HMGXB4: variants seen among roughly 807,000 people sequenced by gnomAD.
HMGXB4 encodes HMG-box containing 4.
In HMGXB4, 27 loss-of-function variants were observed where a neutral mutation model predicts 63.9. The observed-to-expected ratio is 0.42, with a 90% CI of 0.31 to 0.58. HMGXB4 has a LOEUF of 0.58. Among genes scored for constraint, HMGXB4 ranks in the 20% least tolerant of loss-of-function variants. The pLI, the probability that HMGXB4 is intolerant of heterozygous loss-of-function variation, is 0.13. For missense variants in HMGXB4, 624 were observed against 700.7 expected (o/e 0.89, Z 1.24); for synonymous variants, 264 against 265.3 (o/e 0.99, Z 0.05).
At chr22:35,272,896 T>C (rs1031743605) in intron 5 of HMGXB4, among the ~76,000 whole-genome samples, 7 of 152,370 alleles carry the variant, frequency 4.6e-5, no homozygotes, top group Admixed American at 6.5e-5. Flanking sequence ...ATCACGCCAC[T>C]GCCCTCCAGC....
chr22:35,247,076 T>C, the HMGXB4 span, among the ~76,000 whole-genome samples: 1 of 152,274 alleles, frequency 6.6e-6, no homozygotes, highest in African/African-American at 2.4e-5. Context: ...CACATTTTCC[T>C]GCTTTTTTTC....
chr22:35,254,765 G>T (rs949846538), upstream of HMGXB4, among the ~76,000 whole-genome samples: 1 of 152,218 alleles, frequency 6.6e-6, no homozygotes, highest in Non-Finnish European at 1.5e-5. Context: ...AAATGGAAGT[G>T]CAATGATCCA....
intron 1 of HMGXB4, chr22:35,261,992 A>C: frequency 5.4e-6 from 1 of 186,088 alleles, no homozygotes; most frequent in Non-Finnish European, 1.1e-5. Flanking sequence ...CTCTAACTTA[A>C]TGTTGGTTTC....
At chr22:35,267,981 G>C (rs934347029) in intron 5 of HMGXB4, among the ~76,000 whole-genome samples, 2 of 152,192 alleles carry the variant, frequency 1.3e-5, no homozygotes, top group Non-Finnish European at 2.9e-5. Flanking sequence ...CATATAGGGA[G>C]GCTGAGGCAG....
the HMGXB4 span, among the ~76,000 whole-genome samples, chr22:35,241,547 G>A: frequency 6.6e-6 from 1 of 152,178 alleles, no homozygotes; most frequent in Non-Finnish European, 1.5e-5. Flanking sequence ...GATCCCGGTG[G>A]TGCCAGGCAG....
chr22:35,260,413 C>G (rs1922774304), intron 1 of HMGXB4, among the ~76,000 whole-genome samples: 1 of 152,120 alleles, frequency 6.6e-6, no homozygotes, highest in Admixed American at 6.5e-5. Flanking sequence ...CCTGTATTTC[C>G]CTTCTACCTG....
Position 35,265,591 on chromosome 22 carries a change from G to C in HMGXB4, c.1203G>C (p.Glu401Asp), listed in dbSNP as rs1297922930. ...KKKEEKDKER[E>D]RGEKPKKKNM... ...AAGAAGAGAAGGACAAAGAGAGAGAGAGAGGAGAAAAGGTAAAGCATCTTT... is the reference window on the plus strand; with the variant it reads ...AAGAAGAGAAGGACAAAGAGAGAGACAGAGGAGAAAAGGTAAAGCATCTTT... Residue 401 changes from glutamate to aspartate, a missense_variant, in exon 5 of 11, where the codon GAG becomes GAC. Glu to Asp is a conservative substitution (Grantham distance 45). Around this residue, in one of 2 missense-constraint regions of HMGXB4, gnomAD observed 472 missense variants for 470.6 expected, o/e 1.00. Transcript: ENST00000216106. 6.3e-7 allele frequency: 1 copy of C among 1,580,928 alleles called. No homozygotes were observed. Among genetic ancestry groups the C allele is most frequent in the Non-Finnish European group, 8.6e-7 (1 of 1,166,000 alleles).
chr22:35,262,348 C>G lies in HMGXB4; in HGVS notation c.-43C>G. Reference sequence around the variant, plus strand: ...ACCTGGTCCTGTAGACGGGAAGGAGCCTGGACACAGTGACACATTCTCAAA... The same window carrying G: ...ACCTGGTCCTGTAGACGGGAAGGAGGCTGGACACAGTGACACATTCTCAAA... On this transcript the variant is annotated 5_prime_UTR_variant, in exon 2 of 11. Transcript: ENST00000216106. 6.2e-7 allele frequency: 1 copy of G among 1,603,418 alleles called. No individual in the cohort carries two copies. Among genetic ancestry groups the G allele is most frequent in the Non-Finnish European group, 8.5e-7 (1 of 1,170,176 alleles).
the HMGXB4 span, among the ~76,000 whole-genome samples, chr22:35,243,023 G>T: frequency 6.6e-6 from 1 of 152,150 alleles, no homozygotes; most frequent in African/African-American, 2.4e-5. Flanking sequence ...GTTGAGATTT[G>T]TTTTATGGCC....
Position 35,286,081 on chromosome 22 carries a change from A to T in HMGXB4, c.1362+20A>T. On this transcript the variant is annotated intron_variant, in intron 7 of 10. Coordinates refer to ENST00000216106, the MANE Select transcript of HMGXB4 (RefSeq NM_001003681.3). Reference sequence around the variant, plus strand: ...AAACTGGTAAGTACATTTTCTTACAAACATATTTTTCAGTGCTTCTCGCCT... The same window carrying T: ...AAACTGGTAAGTACATTTTCTTACATACATATTTTTCAGTGCTTCTCGCCT... 1.9e-6 allele frequency: 3 copies of T among 1,573,146 alleles called. No individual in the cohort carries two copies. In the South Asian group the frequency reaches 3.4e-5, roughly 18 times the overall value.
intron 5 of HMGXB4, among the ~76,000 whole-genome samples, chr22:35,269,030 G>C (rs542173628): frequency 1.3e-3 from 204 of 152,194 alleles, no homozygotes; most frequent in African/African-American, 4.7e-3. Flanking sequence ...CATTATCTTT[G>C]TACATATTCT....
chr22:35,284,856 T>C (rs1924467520), intron 6 of HMGXB4, among the ~76,000 whole-genome samples: 1 of 152,220 alleles, frequency 6.6e-6, no homozygotes, highest in Non-Finnish European at 1.5e-5. Context: ...ATTTGCCTAA[T>C]GTGTAAAATC....
At chr22:35,265,693 A>C in intron 5 of HMGXB4, 90 bp downstream of exon 5, 1 of 1,435,856 alleles carries the variant, frequency 7.0e-7, no homozygotes, top group Non-Finnish European at 9.1e-7. Flanking sequence ...CAGTTGAGGT[A>C]AACCACTGGG....
At chr22:35,274,839 G>C (rs1923812805) in intron 5 of HMGXB4, among the ~76,000 whole-genome samples, 1 of 152,126 alleles carries the variant, frequency 6.6e-6, no homozygotes, top group Non-Finnish European at 1.5e-5. Flanking sequence ...TTTCCTTTTA[G>C]CCAGATCAGA....
In HMGXB4 at chr22:35,293,108, G is replaced by C; in HGVS notation, c.1755G>C (p.Gln585His). Residue 585 changes from glutamine (Q) to histidine (H), a missense_variant, in exon 10 of 11, where the codon CAG (glutamine) becomes CAC (histidine). Physicochemically the swap from Gln to His is conservative, Grantham distance 24. Transcript: ENST00000216106. ...CTGAATTGAATGGCTGTCCCAAACA[G>C]GTCTTGGTGAGTTTTCCCTGGATTT... ...QLPELNGCPK[Q>H]VLSNTLDNIA... The C allele has an allele frequency of 6.2e-7, 1 of 1,614,192 alleles. No homozygotes were observed. Among genetic ancestry groups the C allele is most frequent in the Non-Finnish European group, 8.5e-7 (1 of 1,180,042 alleles).
At chr22:35,274,237 T>A (rs1416838058) in intron 5 of HMGXB4, among the ~76,000 whole-genome samples, 1 of 152,128 alleles carries the variant, frequency 6.6e-6, no homozygotes, top group African/African-American at 2.4e-5. Flanking sequence ...CAAGTAGGAA[T>A]TATCAGGTGG....
chr22:35,263,153 C>G lies in HMGXB4; in HGVS notation c.107C>G (p.Ser36Cys). 1 of 1,613,886 alleles carries G rather than the reference C, an allele frequency of 6.2e-7. No homozygotes were observed. The highest frequency in any genetic ancestry group is 8.5e-7 in the Non-Finnish European group (1 of 1,179,838). Reference protein sequence around the residue: ...AGRSQREKKRSYKDFLREEEE... With the variant: ...AGRSQREKKRCYKDFLREEEE... ...CGAAGCCAACGAGAGAAAAAACGTT[C>G]TTACAAAGATTTTTTAAGGGAAGAG... Residue 36 changes from serine (S) to cysteine (C), a missense_variant, in exon 3 of 11, where the codon TCT becomes TGT. By Grantham distance (112) the Ser-to-Cys change is moderately radical. Around this residue, in one of 2 missense-constraint regions of HMGXB4, gnomAD observed 472 missense variants for 470.6 expected, o/e 1.00. Transcript: ENST00000216106.
At chr22:35,272,578 T>C (rs1923672114) in intron 5 of HMGXB4, among the ~76,000 whole-genome samples, 1 of 152,192 alleles carries the variant, frequency 6.6e-6, no homozygotes, top group Non-Finnish European at 1.5e-5. Flanking sequence ...AGGAGCAGGA[T>C]ACAGTTACAT....
At chr22:35,278,451 C>T (rs1354068779) in intron 5 of HMGXB4, among the ~76,000 whole-genome samples, 1 of 152,122 alleles carries the variant, frequency 6.6e-6, no homozygotes, top group Admixed American at 6.5e-5. Flanking sequence ...GTGGCTGTAC[C>T]ATGGGATCTC....
Sources: gnomAD v4.1 joint callset for allele counts (sites outside exome capture counted in the v4.1 genomes callset) on GRCh38, gnomAD v4.1.1 for gene constraint, gnomAD v4.1.1 regional missense constraint, MANE v1.5 for transcripts, NCBI Gene and HGNC (gene_info 2026-07-23, HGNC 2026-07-21) for gene names.